ELOA: variants seen among roughly 807,000 people sequenced by gnomAD.
ELOA encodes the protein elongin A, also known as elongin-A.
ELOA carries 15 observed loss-of-function variants against 85.2 expected under a neutral mutation model. The observed-to-expected ratio is 0.18, with a 90% CI of 0.12 to 0.27. The LOEUF (loss-of-function observed/expected upper bound fraction) is 0.27, where lower values mean the gene tolerates loss of function less well. Ranked by LOEUF, ELOA falls within the 10% of genes least tolerant of loss-of-function variation. The pLI, the probability that ELOA is intolerant of heterozygous loss-of-function variation, is 1.00. For synonymous variants in ELOA, 348 were observed against 357.2 expected (o/e 0.97, Z 0.29); for missense variants, 769 against 952.7 (o/e 0.81, Z 2.54).
At position 23,754,131 on chromosome 1, in the gene ELOA, T is replaced by A; in HGVS notation, c.1569T>A (p.Ala523=). ...AFSSPQEEEE[A]GFTGRRMNSK... ...CTTCACCCCAGGAAGAAGAAGAAGC[T>A]GGATTTACTGGGCGCAGAATGAATT... Residue 523 remains alanine (A), a synonymous_variant, in exon 6 of 11, where the codon GCT becomes GCA. Transcript: ENST00000613537. 1.2e-6 allele frequency: 2 copies of A among 1,614,224 alleles called. No individual in the cohort carries two copies. The highest frequency in any genetic ancestry group is 1.7e-6 in the Non-Finnish European group (2 of 1,180,040).
At chr1:23,746,049 G>T (rs1644744493) in intron 1 of ELOA, among the ~76,000 whole-genome samples, 1 of 152,148 alleles carries the variant, frequency 6.6e-6, no homozygotes, top group Non-Finnish European at 1.5e-5. Flanking sequence ...AGCACTTTGG[G>T]AGGCCGAGGT....
chr1:23,756,838 A>C, intron 9 of ELOA, 115 bp from the exon 10 acceptor site: 1 of 1,088,564 alleles, frequency 9.2e-7, no homozygotes. Context: ...GATAGGGTCC[A>C]TTGGTCAAAG....
chr1:23,751,014 T>C lies in ELOA; in HGVS notation c.409T>C (p.Ser137Pro). 1 of 1,613,944 alleles carries C rather than the reference T, an allele frequency of 6.2e-7. No individual in the cohort carries two copies. The highest frequency in any genetic ancestry group is 8.5e-7 in the Non-Finnish European group (1 of 1,180,002). Residue 137 changes from serine (S) to proline (P), a missense_variant, in exon 4 of 11, where the codon TCG becomes CCG. Transcript: ENST00000613537. ...DHRQKKHRKLSELERPHKVSH... is the reference protein window; with the variant it reads ...DHRQKKHRKLPELERPHKVSH... ...CAGGCAGAAGAAACATAGGAAACTC[T>C]CGGAGCTCGAGAGACCTCACAAAGT...
rs10917421 is a variant in ELOA at position 23,755,040 on chromosome 1, G to A, written c.1791+580G>A. 1.6e-3 allele frequency among the ~76,000 whole-genome samples: 245 copies of A among 151,256 alleles called. 1 individual carries two copies. The highest frequency in any genetic ancestry group is 5.4e-3 in the African/African-American group (222 of 41,120). ...CATCCTTGAACTCCTGGGCTTAAGT[G>A]ATCCTCCCAAGTAGCTGGGACTACA... On this transcript the variant is annotated intron_variant, in intron 7 of 10. Transcript: ENST00000613537.
chr1:23,757,300 A>G (rs1644798677), intron 10 of ELOA, among the ~76,000 whole-genome samples, 175 bp downstream of exon 10: 1 of 152,166 alleles, frequency 6.6e-6, no homozygotes, highest in South Asian at 2.1e-4. Flanking sequence ...ATAGTGCATT[A>G]TATCTCTTAA....
At chr1:23,755,423 A>G (rs1257733621) in intron 7 of ELOA, among the ~76,000 whole-genome samples, 1 of 152,174 alleles carries the variant, frequency 6.6e-6, no homozygotes, top group Non-Finnish European at 1.5e-5. Flanking sequence ...ATTTTAACAT[A>G]CTACTAAGAT....
Position 23,759,832 on chromosome 1 carries a change from G to C in ELOA, c.*259G>C, listed in dbSNP as rs1045217961. On this transcript the variant is annotated 3_prime_UTR_variant, in exon 11 of 11. Transcript: ENST00000613537. Reference sequence around the variant, plus strand: ...TTTAAAGGTCAATTATACTTTTGTTGTTCATTAGCATCTTTGTAAACTATA... The same window carrying C: ...TTTAAAGGTCAATTATACTTTTGTTCTTCATTAGCATCTTTGTAAACTATA... 3 of 480,416 alleles carry C rather than the reference G, an allele frequency of 6.2e-6. No individual in the cohort carries two copies. Among genetic ancestry groups the C allele is most frequent in the African/African-American group, 5.9e-5 (3 of 51,172 alleles). The allele number at this position is 480,416 out of a possible 1,614,324, so 29.8% of individuals were successfully genotyped here. A position where few individuals can be genotyped will look rare whatever the true frequency, so the allele number is the denominator to read the frequency against.
chr1:23,743,831 C>T (rs760960236), intron 1 of ELOA, among the ~76,000 whole-genome samples: 1 of 152,152 alleles, frequency 6.6e-6, no homozygotes, highest in African/African-American at 2.4e-5. Context: ...GGTGCGGACA[C>T]CGCGTGCCTA....
intron 1 of ELOA, among the ~76,000 whole-genome samples, chr1:23,746,244 C>T (rs1337856219): frequency 4.0e-5 from 6 of 149,296 alleles, no homozygotes; most frequent in African/African-American, 7.4e-5. Context: ...GCTGAGATCG[C>T]GCCATTGCAC....
rs369258695 is a variant in ELOA at position 23,755,862 on chromosome 1, A to G, written c.1811A>G (p.Asp604Gly). 123 of 1,608,478 alleles carry G rather than the reference A, an allele frequency of 7.6e-5. 1 individual carries two copies. The highest frequency in any genetic ancestry group is 2.0e-5 in the Non-Finnish European group (23 of 1,178,072). Residue 604 changes from aspartate to glycine, a missense_variant, in exon 8 of 11, where the codon GAT (aspartate) becomes GGT (glycine). By Grantham distance (94) the Asp-to-Gly change is moderately conservative. Coordinates refer to ENST00000613537, the MANE Select transcript of ELOA (RefSeq NM_003198.3). ...EYNHVLIEET[D>G]QLWKVHCHRD... ...TTTCAGGTATTAATTGAAGAAACAG[A>G]TCAATTATGGAAAGTTCATTGTCAC...
intron 5 of ELOA, 79 bp downstream of exon 5, chr1:23,752,597 C>A: frequency 7.1e-7 from 1 of 1,410,350 alleles, no homozygotes. Flanking sequence ...TGGCTCACAC[C>A]TATAATTCCA....
At chr1:23,753,597 TA>T (rs796778263) in intron 5 of ELOA, among the ~76,000 whole-genome samples, 16 of 149,164 alleles carry the variant, frequency 1.1e-4, no homozygotes, top group African/African-American at 2.0e-4. Flanking sequence ...TATGCCACAG[TA>T]AAAAAAAAAT....
chr1:23,752,728 A>G (rs1644777184), intron 5 of ELOA, among the ~76,000 whole-genome samples: 1 of 151,982 alleles, frequency 6.6e-6, no homozygotes. Context: ...AGATCACCTT[A>G]GGTAAGAAGT....
At chr1:23,753,971 C>A (rs1644783763) in intron 5 of ELOA, 129 bp from the exon 6 acceptor site, 3 of 1,167,218 alleles carry the variant, frequency 2.6e-6, no homozygotes, top group Non-Finnish European at 3.6e-6. Context: ...TTTTTAAATT[C>A]TCTGGAAGGA....
At position 23,757,100 on chromosome 1, in the gene ELOA, T is replaced by C; in HGVS notation, c.2232T>C (p.Tyr744=). The part of the protein sequence containing the change: ...LAPVVSSTVS[Y]DPRKPTVKKI... The stretch of plus-strand genomic sequence containing the variant: ...CAGTGGTCAGCAGCACTGTTTCCTA[T>C]GATCCTAGGAAACCCACTGTGAAGA... The change falls in exon 10 of 11, where the codon TAT becomes TAC. Residue 744 remains tyrosine (Y), a synonymous_variant. Transcript: ENST00000613537. The C allele has an allele frequency of 6.3e-7, 1 of 1,578,958 alleles. No individual in the cohort carries two copies. The highest frequency in any genetic ancestry group is 8.6e-7 in the Non-Finnish European group (1 of 1,167,890).
chr1:23,756,033 A>G lies in ELOA; in HGVS notation c.1972+10A>G, dbSNP rs1354593515. 6.2e-7 allele frequency: 1 copy of G among 1,609,644 alleles called. No homozygotes were observed. The highest frequency in any genetic ancestry group is 1.7e-5 in the Admixed American group (1 of 58,980). ...GCCAATAAGCCCAAAGGTAACAGAGACGGGAGAGCTGGGGGAGAACTGGCA... is the reference window on the plus strand; with the variant it reads ...GCCAATAAGCCCAAAGGTAACAGAGGCGGGAGAGCTGGGGGAGAACTGGCA... On this transcript the variant is annotated intron_variant, in intron 8 of 10. Coordinates refer to ENST00000613537, the MANE Select transcript of ELOA (RefSeq NM_003198.3).
chr1:23,752,414 A>C lies in ELOA; in HGVS notation c.1433A>C (p.Asp478Ala). 1 of 1,613,870 alleles carries C rather than the reference A, an allele frequency of 6.2e-7. No individual in the cohort carries two copies. The highest frequency in any genetic ancestry group is 1.1e-5 in the South Asian group (1 of 91,024). Reference protein sequence around the residue: ...ADLAKLRKVPDVLPVLPDLPL... With the variant: ...ADLAKLRKVPAVLPVLPDLPL... Reference sequence around the variant, plus strand: ...TGGGTCTGTCCCCTGCAGGTGCCTGATGTGTTGCCAGTGTTGCCAGACCTC... The same window carrying C: ...TGGGTCTGTCCCCTGCAGGTGCCTGCTGTGTTGCCAGTGTTGCCAGACCTC... Residue 478 changes from aspartate to alanine, a missense_variant, in exon 5 of 11, where the codon GAT becomes GCT. Physicochemically the swap from Asp to Ala is moderately radical, Grantham distance 126. Transcript: ENST00000613537.
chr1:23,749,136 G>C, intron 2 of ELOA, 59 bp downstream of exon 2: 2 of 1,432,236 alleles, frequency 1.4e-6, no homozygotes, highest in Admixed American at 3.4e-5. Context: ...TCTCACTGGA[G>C]AGTGTGTAGA....
intron 7 of ELOA, among the ~76,000 whole-genome samples, chr1:23,755,422 T>C (rs2744873): frequency 6.6e-6 from 1 of 152,128 alleles, no homozygotes; most frequent in Non-Finnish European, 1.5e-5. Context: ...TATTTTAACA[T>C]ACTACTAAGA....
Sources: allele counts gnomAD v4.1 joint callset (sites outside exome capture counted in the v4.1 genomes callset), GRCh38; gene constraint gnomAD v4.1.1; transcripts MANE v1.5; gene names NCBI Gene and HGNC (gene_info 2026-07-23, HGNC 2026-07-21).